ARHGAP12: variants seen among roughly 807,000 people sequenced by gnomAD.
ARHGAP12 encodes Rho GTPase activating protein 12, also known as rho GTPase-activating protein 12.
Under a neutral mutation model 108.6 loss-of-function variants are expected in ARHGAP12, and 64 were observed. The ratio of observed to expected loss-of-function variants is 0.59; its 90% CI spans 0.48 to 0.73. The LOEUF (loss-of-function observed/expected upper bound fraction) is 0.73. Among genes scored for constraint, ARHGAP12 ranks in the 30% least tolerant of loss-of-function variants. The pLI is 0.00. For synonymous variants in ARHGAP12, 312 were observed against 337.2 expected (o/e 0.93, Z 0.82); for missense variants, 940 against 1,005.9 (o/e 0.93, Z 0.89).
chr10:31,876,037 A>G (rs986805043), intron 3 of ARHGAP12, among the ~76,000 whole-genome samples: 6 of 147,160 alleles, frequency 4.1e-5, no homozygotes, highest in Non-Finnish European at 9.2e-5. Context: ...TTATTAATGT[A>G]TTCATCCATC....
intron 6 of ARHGAP12, among the ~76,000 whole-genome samples, chr10:31,844,772 C>T (rs1282137043): frequency 1.4e-5 from 2 of 147,758 alleles, no homozygotes; most frequent in Admixed American, 1.4e-4. Context: ...GAGTTTTATA[C>T]ATGTGCCCTT....
intron 6 of ARHGAP12, among the ~76,000 whole-genome samples, chr10:31,849,471 T>G (rs895382595): frequency 6.6e-6 from 1 of 152,202 alleles, no homozygotes; most frequent in African/African-American, 2.4e-5. Context: ...CAGAAAATAT[T>G]AAACTAAATT....
chr10:31,924,388 C>CG (rs1254476950), intron 1 of ARHGAP12, among the ~76,000 whole-genome samples: 1 of 151,816 alleles, frequency 6.6e-6, no homozygotes, highest in Non-Finnish European at 1.5e-5. Flanking sequence ...AGAGAAAACA[C>CG]GAAAAAAAGC....
chr10:31,855,810 A>G (rs568528461), intron 4 of ARHGAP12, among the ~76,000 whole-genome samples: 1 of 152,192 alleles, frequency 6.6e-6, no homozygotes, highest in Non-Finnish European at 1.5e-5. Context: ...CAAATTTTGC[A>G]CAGTAAATAT....
At chr10:31,924,579 G>A (rs1020669659) in intron 1 of ARHGAP12, among the ~76,000 whole-genome samples, 1 of 151,998 alleles carries the variant, frequency 6.6e-6, no homozygotes, top group Non-Finnish European at 1.5e-5. Context: ...CTTTTTTATT[G>A]TTGAATGTTA....
At chr10:31,894,204 C>A (rs150802254) in intron 3 of ARHGAP12, among the ~76,000 whole-genome samples, 70 of 152,330 alleles carry the variant, frequency 4.6e-4, no homozygotes, top group African/African-American at 1.5e-3. Flanking sequence ...GGCATGCCCT[C>A]TCTCATCACT....
chr10:31,830,992 T>C (rs189843870), intron 10 of ARHGAP12, among the ~76,000 whole-genome samples: 39 of 152,348 alleles, frequency 2.6e-4, no homozygotes, highest in African/African-American at 9.1e-4. Flanking sequence ...CGAAATGACT[T>C]TGCAAGTGGC....
intron 3 of ARHGAP12, among the ~76,000 whole-genome samples, chr10:31,873,797 T>C (rs182278292): frequency 7.9e-5 from 12 of 152,356 alleles, no homozygotes; most frequent in Admixed American, 7.2e-4. Context: ...TGAAACCTCA[T>C]TATTAATTTG....
chr10:31,895,699 G>T (rs1031295296), intron 3 of ARHGAP12, among the ~76,000 whole-genome samples: 1 of 152,166 alleles, frequency 6.6e-6, no homozygotes, highest in Admixed American at 6.5e-5. Flanking sequence ...CAAGGATCTA[G>T]AACTAGAAAT....
chr10:31,839,672 C>A lies in ARHGAP12; in HGVS notation c.1336G>T (p.Glu446Ter). 1.2e-6 allele frequency: 2 copies of A among 1,608,940 alleles called. No individual in the cohort carries two copies. The highest frequency in any genetic ancestry group is 1.7e-6 in the Non-Finnish European group (2 of 1,176,628). ...TGCTTTGGTGAGGAGGGAGAAGACTCATTTTCAGGAAAGCAGGGTTTTGAG... is the reference window on the plus strand; with the variant it reads ...TGCTTTGGTGAGGAGGGAGAAGACTAATTTTCAGGAAAGCAGGGTTTTGAG... ...TASKPCFPEN[E>*]SSPSSPKHQD... is the part of the protein sequence containing the mutation. Residue 446 changes from glutamate (E) to a stop codon, truncating the protein, a stop_gained, in exon 8 of 20, where the codon GAG becomes TAG. Transcript: ENST00000344936. LOFTEE classifies it high-confidence loss of function.
chr10:31,818,887 T>C (rs1333595008), intron 12 of ARHGAP12, among the ~76,000 whole-genome samples: 1 of 152,148 alleles, frequency 6.6e-6, no homozygotes, highest in Non-Finnish European at 1.5e-5. Context: ...TTATTCTTGA[T>C]TTACCTTTTG....
chr10:31,894,662 G>A (rs1270826232), intron 3 of ARHGAP12, among the ~76,000 whole-genome samples: 1 of 152,180 alleles, frequency 6.6e-6, no homozygotes, highest in Non-Finnish European at 1.5e-5. Context: ...TCGTGAAAAT[G>A]GCCATACTGC....
chr10:31,879,568 TTTAAC>T (rs1190073871), intron 3 of ARHGAP12, among the ~76,000 whole-genome samples: 5 of 152,186 alleles, frequency 3.3e-5, no homozygotes, highest in African/African-American at 1.2e-4. Flanking sequence ...CTCAAAATTG[TTTAAC>T]TTATTTAACT....
intron 10 of ARHGAP12, among the ~76,000 whole-genome samples, chr10:31,828,587 G>A (rs1206546990): frequency 6.6e-6 from 1 of 152,014 alleles, no homozygotes; most frequent in East Asian, 1.9e-4. Context: ...TGTAGAACTA[G>A]TAGATATATA....
chr10:31,854,091 T>C lies in ARHGAP12; in HGVS notation c.1064A>G (p.Tyr355Cys), dbSNP rs200780714. 12 of 1,612,842 alleles carry C rather than the reference T, an allele frequency of 7.4e-6. No individual in the cohort carries two copies. The highest frequency in any genetic ancestry group is 1.3e-5 in the African/African-American group (1 of 74,856). Residue 355 changes from tyrosine (Y) to cysteine (C), a missense_variant, in exon 5 of 20, where the codon TAT (tyrosine) becomes TGT (cysteine). By Grantham distance (194) the Tyr-to-Cys change is radical. Transcript: ENST00000344936. ...CTTTTCATTAGTATAGTCACTGGTA[T>C]ATAAGGTATGCCCACGTTCATCCAA... ...EELDERGHTL[Y>C]TSDYTNEKWL...
chr10:31,839,643 T>G lies in ARHGAP12; in HGVS notation c.1365A>C (p.Gln455His). Reference sequence around the variant, plus strand: ...ATGCTTCTATCATACTAACTGTATCTTGGTGCTTTGGTGAGGAGGGAGAAG... The same window carrying G: ...ATGCTTCTATCATACTAACTGTATCGTGGTGCTTTGGTGAGGAGGGAGAAG... ...NESSPSSPKHQDTASSPKDQE... is the reference protein window; with the variant it reads ...NESSPSSPKHHDTASSPKDQE... Residue 455 changes from glutamine to histidine, a missense_variant, in exon 8 of 20, where the codon CAA becomes CAC. Coordinates refer to ENST00000344936, the MANE Select transcript of ARHGAP12 (RefSeq NM_018287.7). 6.2e-7 allele frequency: 1 copy of G among 1,604,494 alleles called. No homozygotes were observed. Among genetic ancestry groups the G allele is most frequent in the Middle Eastern group, 1.7e-4 (1 of 5,950 alleles).
chr10:31,909,155 C>T (rs534591850), intron 2 of ARHGAP12, among the ~76,000 whole-genome samples: 2 of 151,966 alleles, frequency 1.3e-5, no homozygotes, highest in Admixed American at 6.5e-5. Context: ...AAACAAAAGC[C>T]GATAACTGGA....
At chr10:31,878,196 G>C (rs1290821580) in intron 3 of ARHGAP12, among the ~76,000 whole-genome samples, 1 of 119,202 alleles carries the variant, frequency 8.4e-6, no homozygotes, top group Non-Finnish European at 2.0e-5. Flanking sequence ...TTAAAAAGAA[G>C]TTGGAAAACA....
At chr10:31,884,976 G>A (rs1168287430) in intron 3 of ARHGAP12, among the ~76,000 whole-genome samples, 1 of 151,866 alleles carries the variant, frequency 6.6e-6, no homozygotes, top group Non-Finnish European at 1.5e-5. Context: ...GGGGGTACAT[G>A]GTAGGTGTGT....
Sources: gnomAD v4.1 joint callset for allele counts (sites outside exome capture counted in the v4.1 genomes callset) on GRCh38, gnomAD v4.1.1 for gene constraint, MANE v1.5 for transcripts, NCBI Gene and HGNC (gene_info 2026-07-23, HGNC 2026-07-21) for gene names.